Variants in CPA6 observed in about 807,000 individuals in gnomAD.
The protein encoded by CPA6 is carboxypeptidase B.
A neutral mutation model predicts 63.3 loss-of-function variants in CPA6; 58 were observed. The ratio of observed to expected loss-of-function variants is 0.92; its 90% CI spans 0.74 to 1.14. The LOEUF (loss-of-function observed/expected upper bound fraction) is 1.14. Ranked by LOEUF, CPA6 falls within the 50% of genes most tolerant of loss-of-function variation. The probability of loss-of-function intolerance (pLI) is 0.00; values close to 1 mark genes in which losing one functional copy is unlikely to be tolerated. For synonymous variants in CPA6, 185 were observed against 179.0 expected (o/e 1.03, Z -0.27); for missense variants, 565 against 526.6 (o/e 1.07, Z -0.71).
chr8:67,505,583 ATAGAGT>A (rs1357861017), intron 6 of CPA6, among the ~76,000 whole-genome samples: 4 of 152,194 alleles, frequency 2.6e-5, no homozygotes, highest in African/African-American at 7.2e-5. Context: ...ATGCAACATA[ATAGAGT>A]TAATTTCTTA....
chr8:67,652,361 A>C (rs1351935454), intron 1 of CPA6, among the ~76,000 whole-genome samples: 1 of 152,210 alleles, frequency 6.6e-6, no homozygotes, highest in East Asian at 1.9e-4. Flanking sequence ...TCCCACCAAC[A>C]GTGTAAAATT....
chr8:67,735,432 A>C (rs1031411243), intron 1 of CPA6: 7 of 152,216 alleles, frequency 4.6e-5, no homozygotes, highest in Non-Finnish European at 1.0e-4. Flanking sequence ...GTTTTCCGAT[A>C]ACTTAATGAG....
intron 2 of CPA6, among the ~76,000 whole-genome samples, chr8:67,528,440 A>G (rs1419736475): frequency 6.6e-6 from 1 of 152,140 alleles, no homozygotes; most frequent in Admixed American, 6.5e-5. Flanking sequence ...AGGCAGTTAT[A>G]TAAATTCCAC....
chr8:67,663,341 T>C (rs1161590526), intron 1 of CPA6, among the ~76,000 whole-genome samples: 1 of 152,200 alleles, frequency 6.6e-6, no homozygotes, highest in Non-Finnish European at 1.5e-5. Flanking sequence ...TTTGATCTGC[T>C]TGAGGTAGCA....
chr8:67,498,535 C>CAAAAAAAAAAAA (rs397940852), intron 6 of CPA6, among the ~76,000 whole-genome samples: 3 of 33,176 alleles, frequency 9.0e-5, no homozygotes, highest in African/African-American at 1.7e-4. Flanking sequence ...GACTCCATCT[C>CAAAAAAAAAAAA]AAAAAAAAAA....
intron 1 of CPA6, among the ~76,000 whole-genome samples, chr8:67,744,269 C>A (rs373930682): frequency 2.0e-5 from 3 of 152,302 alleles, no homozygotes; most frequent in East Asian, 3.9e-4. Flanking sequence ...TTTCTTCCCT[C>A]CTACTCTTAG....
chr8:67,589,733 A>G (rs1233673516), intron 2 of CPA6, among the ~76,000 whole-genome samples: 1 of 152,156 alleles, frequency 6.6e-6, no homozygotes, highest in African/African-American at 2.4e-5. Flanking sequence ...AACCACACCT[A>G]GGTCAAGAAG....
chr8:67,496,540 TATATATA>T (rs1811718637), intron 6 of CPA6, among the ~76,000 whole-genome samples: 1 of 139,630 alleles, frequency 7.2e-6, no homozygotes, highest in African/African-American at 2.7e-5. Flanking sequence ...TATATATATA[TATATATA>T]TATATATATA....
chr8:67,444,430 A>G (rs1810367877), intron 8 of CPA6, among the ~76,000 whole-genome samples: 1 of 152,174 alleles, frequency 6.6e-6, no homozygotes, highest in Admixed American at 6.5e-5. Context: ...AAAGATAAAT[A>G]TGAAGCTCCA....
intron 1 of CPA6, among the ~76,000 whole-genome samples, chr8:67,651,200 A>G (rs771948127): frequency 2.8e-4 from 42 of 152,212 alleles, no homozygotes; most frequent in Admixed American, 1.4e-3. Context: ...GTGCTTTCTT[A>G]CTAGGTAATT....
At chr8:67,426,345 A>G (rs1809883694) in intron 10 of CPA6, among the ~76,000 whole-genome samples, 1 of 152,248 alleles carries the variant, frequency 6.6e-6, no homozygotes. Flanking sequence ...TGAAGTTGAA[A>G]AGGTAAATGG....
intron 1 of CPA6, 91 bp downstream of exon 1, chr8:67,745,923 C>A: frequency 1.2e-6 from 1 of 823,128 alleles, no homozygotes; most frequent in South Asian, 1.9e-5. Context: ...TCAGAGACCC[C>A]CAAATCAGAA....
At position 67,482,145 on chromosome 8, in the gene CPA6, AC is replaced by A. The variant is rs371061046; in HGVS notation, c.838+1622del. On this transcript the variant is annotated intron_variant, in intron 8 of 10. Transcript: ENST00000297770. ...AGGAAGAACAACAAAGGGAAGCAAG[AC>A]CTTACTTGCACCTGATATAAACAGG... is the stretch of plus-strand genomic sequence containing the variant. Among the ~76,000 whole-genome samples, 487 of 152,330 alleles carry A rather than the reference AC, an allele frequency of 3.2e-3. 7 individuals are homozygous for A. Among genetic ancestry groups the A allele is most frequent in the South Asian group, 0.019 (94 of 4,830 alleles).
intron 10 of CPA6, among the ~76,000 whole-genome samples, chr8:67,425,303 A>G (rs1809858697): frequency 6.6e-6 from 1 of 152,176 alleles, no homozygotes; most frequent in African/African-American, 2.4e-5. Flanking sequence ...TTTTCAAAGC[A>G]TGGTCATTTA....
chr8:67,474,849 C>T (rs866072104), intron 8 of CPA6, among the ~76,000 whole-genome samples: 5 of 152,188 alleles, frequency 3.3e-5, no homozygotes, highest in South Asian at 4.1e-4. Flanking sequence ...TATGATGGCT[C>T]ACACTGGTAA....
intron 1 of CPA6, among the ~76,000 whole-genome samples, chr8:67,628,581 A>AAC (rs1333246196): frequency 3.3e-4 from 51 of 152,338 alleles, no homozygotes; most frequent in Non-Finnish European, 6.3e-4. Context: ...TATCACTCTG[A>AAC]ACTCTTTTCT....
chr8:67,726,819 C>T (rs897882831), intron 1 of CPA6, among the ~76,000 whole-genome samples: 1 of 152,228 alleles, frequency 6.6e-6, no homozygotes, highest in Admixed American at 6.5e-5. Flanking sequence ...AGCAAGACAG[C>T]CACTTTGGCC....
At chr8:67,462,177 A>T (rs1810828423) in intron 8 of CPA6, among the ~76,000 whole-genome samples, 3 of 151,446 alleles carry the variant, frequency 2.0e-5, no homozygotes, top group Admixed American at 1.3e-4. Flanking sequence ...AAATCCAGGG[A>T]TATTCTGTGT....
intron 2 of CPA6, among the ~76,000 whole-genome samples, chr8:67,613,740 G>A (rs770225931): frequency 1.3e-5 from 2 of 152,192 alleles, no homozygotes; most frequent in Non-Finnish European, 2.9e-5. Context: ...TATACCCATG[G>A]CCCTAAATGA....
Sources: allele counts gnomAD v4.1 joint callset (sites outside exome capture counted in the v4.1 genomes callset), GRCh38; gene constraint gnomAD v4.1.1; transcripts MANE v1.5; gene names NCBI Gene and HGNC (gene_info 2026-07-23, HGNC 2026-07-21).